Variants in PDE8B observed in about 807,000 individuals in gnomAD.
The protein encoded by PDE8B is phosphodiesterase 8B, also known as high affinity cAMP-specific and IBMX-insensitive 3',5'-cyclic phosphodiesterase 8B.
Under a neutral mutation model 101.3 loss-of-function variants are expected in PDE8B, and 26 were observed. The observed-to-expected ratio is 0.26, with a 90% CI of 0.19 to 0.36. The LOEUF is 0.36. PDE8B is among the 10% of genes least tolerant of loss of function. The pLI is 1.00. For synonymous variants in PDE8B, 424 were observed against 429.3 expected (o/e 0.99, Z 0.15); for missense variants, 810 against 1,163.1 (o/e 0.70, Z 4.42).
the PDE8B span, among the ~76,000 whole-genome samples, chr5:77,128,976 A>G: frequency 1.3e-5 from 2 of 152,184 alleles, no homozygotes; most frequent in African/African-American, 2.4e-5. Flanking sequence ...CTTTACCCAG[A>G]TATTAGCTTG....
chr5:77,425,442 A>T (rs112704266), intron 20 of PDE8B, among the ~76,000 whole-genome samples: 6,706 of 152,254 alleles, frequency 0.044, 445 homozygotes, highest in African/African-American at 0.14. Flanking sequence ...ATTCCCAGCT[A>T]CTCAGGAGGC....
intron 7 of PDE8B, among the ~76,000 whole-genome samples, chr5:77,346,268 G>T (rs6897909): frequency 3.3e-5 from 5 of 152,084 alleles, no homozygotes; most frequent in African/African-American, 1.2e-4. Context: ...TCTGCCTCTT[G>T]GACCTCAGAG....
At chr5:77,381,854 A>C (rs1787534953) in intron 10 of PDE8B, among the ~76,000 whole-genome samples, 2 of 152,228 alleles carry the variant, frequency 1.3e-5, no homozygotes, top group African/African-American at 2.4e-5. Flanking sequence ...TTACCTAAGT[A>C]GGTCTTACAC....
chr5:77,100,746 T>TC, the PDE8B span, among the ~76,000 whole-genome samples: 1 of 152,186 alleles, frequency 6.6e-6, no homozygotes, highest in East Asian at 1.9e-4. Context: ...TGGAGGCTTA[T>TC]CCCACCGTGA....
intron 1 of PDE8B, among the ~76,000 whole-genome samples, chr5:77,237,423 G>T (rs930431108): frequency 4.0e-5 from 6 of 150,944 alleles, no homozygotes; most frequent in African/African-American, 1.5e-4. Flanking sequence ...TTTAGTGGTT[G>T]CTCTAGGGAT....
intron 10 of PDE8B, among the ~76,000 whole-genome samples, chr5:77,377,724 C>T (rs1240044314): frequency 6.6e-6 from 1 of 152,158 alleles, no homozygotes; most frequent in Admixed American, 6.5e-5. Flanking sequence ...CTGCACTCAC[C>T]AATGTGGGCA....
intron 1 of PDE8B, among the ~76,000 whole-genome samples, chr5:77,305,351 C>T (rs902825234): frequency 2.0e-5 from 3 of 152,194 alleles, no homozygotes; most frequent in African/African-American, 7.2e-5. Flanking sequence ...CTCTTGGGCC[C>T]TGAAAGGTCC....
chr5:77,230,207 A>C (rs188875681), intron 1 of PDE8B, among the ~76,000 whole-genome samples: 1 of 152,294 alleles, frequency 6.6e-6, no homozygotes, highest in Admixed American at 6.5e-5. Flanking sequence ...TTTAAGAATT[A>C]AATAAGCTCC....
At chr5:77,187,747 G>C in the PDE8B span, among the ~76,000 whole-genome samples, 1 of 152,162 alleles carries the variant, frequency 6.6e-6, no homozygotes, top group Non-Finnish European at 1.5e-5. Context: ...TCCAGCCTTG[G>C]TTTTCATCTT....
intron 3 of PDE8B, among the ~76,000 whole-genome samples, chr5:77,328,674 A>T (rs1322953896): frequency 6.6e-6 from 1 of 152,210 alleles, no homozygotes; most frequent in Non-Finnish European, 1.5e-5. Flanking sequence ...AGGACTGCCA[A>T]TTTATTTTTG....
At chr5:77,329,257 G>T (rs796825966) in intron 4 of PDE8B, among the ~76,000 whole-genome samples, 200 bp downstream of exon 4, 11 of 152,252 alleles carry the variant, frequency 7.2e-5, no homozygotes, top group African/African-American at 2.6e-4. Flanking sequence ...TCTGTATCTT[G>T]TGTAATTGCC....
At chr5:77,175,079 C>T in the PDE8B span, among the ~76,000 whole-genome samples, 3 of 152,078 alleles carry the variant, frequency 2.0e-5, no homozygotes, top group African/African-American at 4.8e-5. Context: ...CTCCTTACTC[C>T]GCTCCCCACA....
chr5:77,290,223 A>G (rs1766970441), intron 1 of PDE8B: 2 of 1,544,036 alleles, frequency 1.3e-6, no homozygotes, highest in Admixed American at 3.9e-5. Context: ...GCACGCTGCA[A>G]AGACCAGCAA....
intron 1 of PDE8B, among the ~76,000 whole-genome samples, chr5:77,256,551 G>T (rs1051151727): frequency 6.6e-6 from 1 of 152,130 alleles, no homozygotes; most frequent in African/African-American, 2.4e-5. Flanking sequence ...CTATGATCAT[G>T]CCACTGTGCT....
At chr5:77,396,478 C>A (rs2150969286) in intron 10 of PDE8B, among the ~76,000 whole-genome samples, 1 of 152,280 alleles carries the variant, frequency 6.6e-6, no homozygotes, top group African/African-American at 2.4e-5. Flanking sequence ...GTGAACAACT[C>A]CTTAGGAGTT....
intron 1 of PDE8B, among the ~76,000 whole-genome samples, chr5:77,257,472 G>A (rs1759427508): frequency 6.6e-6 from 1 of 152,104 alleles, no homozygotes; most frequent in Admixed American, 6.6e-5. Flanking sequence ...TATTACCAGT[G>A]ATAAGTATTA....
chr5:77,277,765 T>A (rs951200180), intron 1 of PDE8B, among the ~76,000 whole-genome samples: 4 of 152,230 alleles, frequency 2.6e-5, no homozygotes, highest in Admixed American at 2.6e-4. Flanking sequence ...CTGTCTCTTT[T>A]ATTCACAGTG....
At chr5:77,121,974 A>T in the PDE8B span, among the ~76,000 whole-genome samples, 1 of 152,210 alleles carries the variant, frequency 6.6e-6, no homozygotes, top group South Asian at 2.1e-4. Flanking sequence ...TCCAAATCCT[A>T]CAAACACTAA....
At chr5:77,320,383 G>A (rs933285487) in intron 2 of PDE8B, among the ~76,000 whole-genome samples, 5 of 152,180 alleles carry the variant, frequency 3.3e-5, no homozygotes, top group Admixed American at 6.5e-5. Context: ...AGGTTTCCTC[G>A]TTGTTCCAGG....
Sources: gnomAD v4.1 joint callset for allele counts (sites outside exome capture counted in the v4.1 genomes callset) on GRCh38, gnomAD v4.1.1 for gene constraint, MANE v1.5 for transcripts, NCBI Gene and HGNC (gene_info 2026-07-23, HGNC 2026-07-21) for gene names.